Variants in ADCY8 observed in about 807,000 individuals in gnomAD.
ADCY8 encodes adenylate cyclase type 8.
Under a neutral mutation model 119.7 loss-of-function variants are expected in ADCY8, and 51 were observed. The ratio of observed to expected loss-of-function variants is 0.43; its 90% confidence interval spans 0.34 to 0.54. The LOEUF (loss-of-function observed/expected upper bound fraction) is 0.54. Among genes scored for constraint, ADCY8 ranks in the 20% least tolerant of loss-of-function variants. The pLI is 0.03. For missense variants in ADCY8, 1,383 were observed against 1,598.8 expected (o/e 0.87, Z 2.30); for synonymous variants, 665 against 651.0 (o/e 1.02, Z -0.33).
At chr8:131,009,969 C>T (rs1220082253) in intron 1 of ADCY8, among the ~76,000 whole-genome samples, 3 of 152,170 alleles carry the variant, frequency 2.0e-5, no homozygotes, top group Non-Finnish European at 4.4e-5. Flanking sequence ...GATTACCATA[C>T]CTAAATGCCT....
chr8:130,996,608 C>CA (rs775710167), intron 1 of ADCY8, among the ~76,000 whole-genome samples: 1 of 151,568 alleles, frequency 6.6e-6, no homozygotes, highest in African/African-American at 2.4e-5. Flanking sequence ...AAAATTTTCC[C>CA]AAAAAAGATA....
chr8:130,972,281 G>A (rs1313580845), intron 2 of ADCY8, among the ~76,000 whole-genome samples: 1 of 152,204 alleles, frequency 6.6e-6, no homozygotes, highest in Non-Finnish European at 1.5e-5. Flanking sequence ...AGGTAGCTGT[G>A]AGATTTCAGT....
At chr8:130,833,593 T>C (rs1816902522) in intron 12 of ADCY8, among the ~76,000 whole-genome samples, 1 of 152,186 alleles carries the variant, frequency 6.6e-6, no homozygotes, top group Non-Finnish European at 1.5e-5. Context: ...ATTATGTTAA[T>C]GAAATGAGCC....
intron 1 of ADCY8, among the ~76,000 whole-genome samples, chr8:131,004,297 A>G (rs1345184088): frequency 2.0e-5 from 3 of 152,022 alleles, no homozygotes; most frequent in African/African-American, 7.2e-5. Flanking sequence ...CCCCAGCTTT[A>G]TCTTTCTTTG....
intron 8 of ADCY8, among the ~76,000 whole-genome samples, chr8:130,870,986 C>A (rs1279232938): frequency 6.6e-6 from 1 of 152,170 alleles, no homozygotes; most frequent in African/African-American, 2.4e-5. Flanking sequence ...CCTGTTTGAA[C>A]TTCAGTGCTT....
intron 1 of ADCY8, among the ~76,000 whole-genome samples, chr8:131,004,756 A>G (rs1823061836): frequency 6.6e-6 from 1 of 152,208 alleles, no homozygotes; most frequent in Non-Finnish European, 1.5e-5. Context: ...AATAATATGC[A>G]GTCCTTCTAG....
chr8:130,914,094 C>T (rs1273788553), intron 5 of ADCY8, among the ~76,000 whole-genome samples: 2 of 152,136 alleles, frequency 1.3e-5, no homozygotes, highest in Non-Finnish European at 2.9e-5. Flanking sequence ...ATGATTTTCC[C>T]TATGGCCCAG....
chr8:130,813,919 A>G (rs1011524627), intron 14 of ADCY8, 150 bp downstream of exon 14: 1 of 911,158 alleles, frequency 1.1e-6, no homozygotes, highest in South Asian at 1.8e-5. Context: ...TTGGGAGGCC[A>G]TGTGTAAATT....
chr8:130,966,738 A>T (rs1227135840), intron 2 of ADCY8, among the ~76,000 whole-genome samples: 1 of 152,040 alleles, frequency 6.6e-6, no homozygotes. Flanking sequence ...AACCTGCTGA[A>T]CCCCTCTGTA....
intron 12 of ADCY8, among the ~76,000 whole-genome samples, chr8:130,827,957 CT>C (rs1816716932): frequency 6.6e-6 from 1 of 152,132 alleles, no homozygotes; most frequent in Non-Finnish European, 1.5e-5. Context: ...ATGGAGAATC[CT>C]GGTTACTGGG....
At chr8:130,852,160 G>T (rs1021197735) in intron 9 of ADCY8, among the ~76,000 whole-genome samples, 1 of 152,210 alleles carries the variant, frequency 6.6e-6, no homozygotes, top group Non-Finnish European at 1.5e-5. Context: ...CACAAGGAAA[G>T]AGTAACCAAG....
chr8:130,862,643 G>C (rs1376072282), intron 9 of ADCY8, among the ~76,000 whole-genome samples: 1 of 152,148 alleles, frequency 6.6e-6, no homozygotes, highest in Non-Finnish European at 1.5e-5. Flanking sequence ...TCGATCTCCT[G>C]ACCTCGTGAT....
chr8:131,030,394 C>G (rs1823961174), intron 1 of ADCY8, among the ~76,000 whole-genome samples: 1 of 152,162 alleles, frequency 6.6e-6, no homozygotes, highest in Non-Finnish European at 1.5e-5. Context: ...AGATCCATAC[C>G]CTTCCACTAT....
At chr8:130,932,002 A>T (rs1820643617) in intron 5 of ADCY8, among the ~76,000 whole-genome samples, 1 of 151,994 alleles carries the variant, frequency 6.6e-6, no homozygotes, top group South Asian at 2.1e-4. Context: ...TTCCCTGATG[A>T]TTTTTGACCT....
intron 6 of ADCY8, among the ~76,000 whole-genome samples, chr8:130,906,722 T>C (rs1295211959): frequency 2.0e-5 from 3 of 152,014 alleles, no homozygotes; most frequent in African/African-American, 7.2e-5. Context: ...CATTTTCTGA[T>C]AAATTTTAAT....
intron 8 of ADCY8, among the ~76,000 whole-genome samples, chr8:130,884,140 GAC>G (rs909531960): frequency 1.3e-5 from 2 of 152,168 alleles, no homozygotes; most frequent in African/African-American, 2.4e-5. Context: ...ATCTAAGAAA[GAC>G]AGTGTTTATC....
chr8:130,970,747 T>C (rs1821899746), intron 2 of ADCY8, among the ~76,000 whole-genome samples: 1 of 152,202 alleles, frequency 6.6e-6, no homozygotes, highest in South Asian at 2.1e-4. Flanking sequence ...TTCCTCATTG[T>C]TTCTTTTTTA....
At chr8:130,990,289 G>A in intron 2 of ADCY8, 104 bp downstream of exon 2, 4 of 1,404,412 alleles carry the variant, frequency 2.8e-6, no homozygotes, top group South Asian at 1.4e-5. Context: ...AACTTTAAGA[G>A]AACACTTTTA....
chr8:130,813,081 G>T (rs1451078803), intron 14 of ADCY8, among the ~76,000 whole-genome samples: 1 of 151,754 alleles, frequency 6.6e-6, no homozygotes, highest in South Asian at 2.1e-4. Context: ...CCAAGTAGCT[G>T]GGATTACAGG....
Sources: allele counts gnomAD v4.1 joint callset (sites outside exome capture counted in the v4.1 genomes callset), GRCh38; gene constraint gnomAD v4.1.1; transcripts MANE v1.5; gene names NCBI Gene and HGNC (gene_info 2026-07-23, HGNC 2026-07-21).